The following C7 variants were observed in gnomAD, a reference collection of about 807,000 sequenced individuals.
C7 encodes complement component C7.
A neutral mutation model predicts 104.8 loss-of-function variants in C7; 83 were observed. The observed-to-expected ratio is 0.79, with a 90% CI of 0.66 to 0.95. The LOEUF is 0.95. C7 is among the 40% of genes least tolerant of loss of function. The probability of loss-of-function intolerance (pLI) is 0.00; values close to 1 mark genes in which losing one functional copy is unlikely to be tolerated. For synonymous variants in C7, 415 were observed against 360.6 expected, an observed-to-expected ratio of 1.15 and a Z score of -1.71; for missense variants, 1,070 against 1,011.2, an observed-to-expected ratio of 1.06 and a Z score of -0.79.
intron 6 of C7, among the ~76,000 whole-genome samples, chr5:40,942,902 T>A (rs1739970878): frequency 1.3e-5 from 2 of 152,024 alleles, no homozygotes; most frequent in South Asian, 4.2e-4. Context: ...GTAGCTGGGA[T>A]TACAGGCACG....
chr5:40,948,164 A>G (rs112510085), intron 8 of C7, among the ~76,000 whole-genome samples: 61 of 152,256 alleles, frequency 4.0e-4, no homozygotes, highest in African/African-American at 1.5e-3. Context: ...CTCAAGAAAA[A>G]CTAAATGAGG....
chr5:40,942,099 G>T (rs1739952852), intron 6 of C7, among the ~76,000 whole-genome samples: 1 of 152,168 alleles, frequency 6.6e-6, no homozygotes, highest in Admixed American at 6.5e-5. Context: ...AAATAAGAAA[G>T]GTGCCAGCAG....
At position 40,936,984 on chromosome 5, in the gene C7, C is replaced by T. The variant is rs1197337351; in HGVS notation, c.428+499C>T. ...TGAAGGTTGGAAAATACTGTGTTTA[C>T]GTTATCAAAGAGAATTCTGAAGAAT... On this transcript the variant is annotated intron_variant, in intron 5 of 17. Transcript: ENST00000313164. 2.6e-5 allele frequency among the ~76,000 whole-genome samples: 4 copies of T among 151,850 alleles called. No individual in the cohort carries two copies. In the East Asian group the frequency reaches 7.7e-4, roughly 29 times the overall value.
At position 40,952,759 on chromosome 5, in the gene C7, C is replaced by T. The variant is rs1177712817; in HGVS notation, c.1094-2628C>T. ...AACATGCGGTGTTTGGTTTTTTGTCCTTGCGAACTGGATTAAGAAAATGTG... is the reference window on the plus strand; with the variant it reads ...AACATGCGGTGTTTGGTTTTTTGTCTTTGCGAACTGGATTAAGAAAATGTG... On this transcript the variant is annotated intron_variant, in intron 9 of 17. Coordinates refer to ENST00000313164, the MANE Select transcript of C7 (RefSeq NM_000587.4). 2.6e-5 allele frequency among the ~76,000 whole-genome samples: 4 copies of T among 151,996 alleles called. No individual in the cohort carries two copies. In the East Asian group the frequency reaches 7.7e-4, roughly 29 times the overall value.
intron 1 of C7, among the ~76,000 whole-genome samples, chr5:40,913,423 G>GAAGAGT (rs1561233907): frequency 3.3e-5 from 5 of 151,960 alleles, no homozygotes. Flanking sequence ...CCCACCAATA[G>GAAGAGT]TATATATTGG....
chr5:40,957,618 G>C (rs1162122757), intron 10 of C7, among the ~76,000 whole-genome samples: 1 of 151,808 alleles, frequency 6.6e-6, no homozygotes, highest in Non-Finnish European at 1.5e-5. Flanking sequence ...ACCACACCCT[G>C]CTAATTTTGT....
At chr5:40,922,078 A>G (rs551736800) in intron 1 of C7, among the ~76,000 whole-genome samples, 2 of 146,036 alleles carry the variant, frequency 1.4e-5, no homozygotes, top group South Asian at 4.6e-4. Flanking sequence ...AAAAACAACA[A>G]CAAAAAATAC....
chr5:40,971,805 G>C (rs993695228), intron 14 of C7, among the ~76,000 whole-genome samples: 1 of 152,004 alleles, frequency 6.6e-6, no homozygotes, highest in Admixed American at 6.6e-5. Context: ...TTCTGCATAT[G>C]GCTTGCCGGT....
Position 40,981,687 on chromosome 5 carries a change from TTCC to T in C7, c.*120_*122del. On this transcript the variant is annotated 3_prime_UTR_variant, in exon 18 of 18. Coordinates refer to ENST00000313164, the MANE Select transcript of C7 (RefSeq NM_000587.4). ...TTTTCCTTCTTCTCCAGTGTCTACC[TTCC>T]TCCTCAACTCCCAGCCATCTGTATA... 1.2e-6 allele frequency: 1 copy of T among 802,818 alleles called. No individual in the cohort carries two copies. Among genetic ancestry groups the T allele is most frequent in the South Asian group, 2.0e-5 (1 of 51,254 alleles). The allele number at this position is 802,818 out of a possible 1,614,324, so 49.7% of individuals were successfully genotyped here.
intron 1 of C7, among the ~76,000 whole-genome samples, chr5:40,923,787 A>G (rs960597243): frequency 4.6e-5 from 7 of 151,740 alleles, no homozygotes; most frequent in African/African-American, 1.7e-4. Flanking sequence ...AATGTCATGC[A>G]CTTTAAAACA....
At chr5:40,934,538 A>G (rs1739774789) in intron 4 of C7, 72 bp downstream of exon 4, 10 of 1,452,816 alleles carry the variant, frequency 6.9e-6, no homozygotes, top group Middle Eastern at 4.1e-4. Context: ...TGCTCGTTAT[A>G]TATTTGTTAA....
intron 9 of C7, among the ~76,000 whole-genome samples, chr5:40,952,456 T>C (rs1740191251): frequency 7.0e-6 from 1 of 143,010 alleles, no homozygotes. Context: ...AAAAACATCA[T>C]GATGGTAGAA....
intron 13 of C7, among the ~76,000 whole-genome samples, chr5:40,963,274 C>G (rs1275660535): frequency 1.3e-5 from 2 of 152,178 alleles, no homozygotes; most frequent in Non-Finnish European, 2.9e-5. Flanking sequence ...TCCACGTTTT[C>G]TGATTTGATA....
At chr5:40,923,894 C>T (rs765614512) in intron 1 of C7, among the ~76,000 whole-genome samples, 2 of 151,888 alleles carry the variant, frequency 1.3e-5, no homozygotes, top group Non-Finnish European at 2.9e-5. Flanking sequence ...AGGCCCCCAC[C>T]TCCAACATGG....
chr5:40,936,272 T>C, intron 4 of C7, 66 bp from the exon 5 acceptor site: 1 of 1,500,412 alleles, frequency 6.7e-7, no homozygotes, highest in South Asian at 1.1e-5. Context: ...AAACCCTTTT[T>C]GGTCCTGGGT....
At chr5:40,922,330 G>T in intron 1 of C7, among the ~76,000 whole-genome samples, 2 of 122,820 alleles carry the variant, frequency 1.6e-5, no homozygotes, top group East Asian at 5.5e-4. Flanking sequence ...AGCAGAGATT[G>T]TGTCACTGCA....
intron 15 of C7, among the ~76,000 whole-genome samples, chr5:40,973,278 T>A (rs1443818124): frequency 6.6e-6 from 1 of 152,240 alleles, no homozygotes; most frequent in Non-Finnish European, 1.5e-5. Context: ...TTATTTATTC[T>A]TTGTTTACAT....
At chr5:40,950,388 C>CT (rs1474566980) in intron 9 of C7, among the ~76,000 whole-genome samples, 1 of 152,074 alleles carries the variant, frequency 6.6e-6, no homozygotes. Flanking sequence ...TGATCTTATT[C>CT]TTTTTTTATG....
At chr5:40,914,426 T>G (rs1739276388) in intron 1 of C7, among the ~76,000 whole-genome samples, 1 of 152,202 alleles carries the variant, frequency 6.6e-6, no homozygotes, top group Non-Finnish European at 1.5e-5. Context: ...CTGTTCACGC[T>G]GTTGATTATT....
Sources: allele counts gnomAD v4.1 joint callset (sites outside exome capture counted in the v4.1 genomes callset), GRCh38; gene constraint gnomAD v4.1.1; transcripts MANE v1.5; gene names NCBI Gene and HGNC (gene_info 2026-07-23, HGNC 2026-07-21).